Variants in RASEF observed in about 807,000 individuals in gnomAD.
RASEF encodes the protein RAS and EF-hand domain containing, also known as ras and EF-hand domain-containing protein.
In RASEF, 68 loss-of-function variants were observed where a neutral mutation model predicts 90.1. That is an observed-to-expected ratio of 0.75 (90% confidence interval 0.62 to 0.92). The LOEUF (loss-of-function observed/expected upper bound fraction) is 0.92, where lower values mean the gene tolerates loss of function less well. Among genes scored for constraint, RASEF ranks in the 40% least tolerant of loss-of-function variants. RASEF has a pLI of 0.00. For missense variants in RASEF, 949 were observed against 937.2 expected (o/e 1.01, Z -0.16); for synonymous variants, 331 against 345.2 (o/e 0.96, Z 0.46).
the RASEF span, among the ~76,000 whole-genome samples, chr9:83,192,270 G>A: frequency 2.6e-5 from 4 of 152,126 alleles, no homozygotes; most frequent in East Asian, 1.9e-4. Flanking sequence ...ATTCACTGCA[G>A]CACTATTCAC....
the RASEF span, among the ~76,000 whole-genome samples, chr9:83,071,444 C>T: frequency 6.6e-6 from 1 of 152,086 alleles, no homozygotes; most frequent in Admixed American, 6.5e-5. Context: ...CTGGCTCTGT[C>T]ACCCAGGCAT....
intron 16 of RASEF, among the ~76,000 whole-genome samples, chr9:82,987,740 A>G (rs541755279): frequency 5.3e-5 from 8 of 152,362 alleles, no homozygotes; most frequent in African/African-American, 1.9e-4. Flanking sequence ...TCATATACAG[A>G]GTCACAGGCT....
chr9:83,049,281 T>C lies in RASEF; in HGVS notation c.431+13156A>G, dbSNP rs149875185. 2.2e-5 allele frequency: 22 copies of C among 984,366 alleles called. No homozygotes were observed. The East Asian group carries it at 1.9e-3, about 86-fold the overall frequency. 61.0% of individuals were successfully genotyped at this position (984,366 alleles called of 1,614,324 possible). A position where few individuals can be genotyped will look rare whatever the true frequency, so the allele number is the denominator to read the frequency against. ...CTAAAATCGACACACATTTACAAAATCAATGACATCAGAATTAGCAATAGT... is the reference window on the plus strand; with the variant it reads ...CTAAAATCGACACACATTTACAAAACCAATGACATCAGAATTAGCAATAGT... On this transcript the variant is annotated intron_variant, in intron 1 of 16. Transcript: ENST00000376447.
chr9:83,083,528 T>C, the RASEF span, among the ~76,000 whole-genome samples: 3 of 152,110 alleles, frequency 2.0e-5, no homozygotes, highest in African/African-American at 7.2e-5. Flanking sequence ...TATAGACTAC[T>C]TATGAATCTG....
the RASEF span, among the ~76,000 whole-genome samples, chr9:83,177,890 C>T: frequency 7.9e-5 from 12 of 151,936 alleles, no homozygotes; most frequent in African/African-American, 2.9e-4. Context: ...TCTAGCACTC[C>T]CATTACATGG....
chr9:83,076,678 A>C, the RASEF span, among the ~76,000 whole-genome samples: 1 of 152,234 alleles, frequency 6.6e-6, no homozygotes, highest in Non-Finnish European at 1.5e-5. Flanking sequence ...TTGAAATCTA[A>C]AAAGGCCCAG....
At chr9:83,070,731 T>C in the RASEF span, among the ~76,000 whole-genome samples, 1 of 152,146 alleles carries the variant, frequency 6.6e-6, no homozygotes, top group Non-Finnish European at 1.5e-5. Context: ...AGAACTGATA[T>C]CTTAATAATA....
At chr9:83,081,099 G>A in the RASEF span, among the ~76,000 whole-genome samples, 6 of 152,102 alleles carry the variant, frequency 3.9e-5, no homozygotes, top group Non-Finnish European at 8.8e-5. Context: ...TCAGGCAGGT[G>A]CTATCATCCT....
At chr9:83,206,714 T>C in the RASEF span, among the ~76,000 whole-genome samples, 1 of 152,214 alleles carries the variant, frequency 6.6e-6, no homozygotes, top group Non-Finnish European at 1.5e-5. Flanking sequence ...CCCGGAGGCC[T>C]GTGTCTCATC....
At chr9:83,074,301 C>T in the RASEF span, among the ~76,000 whole-genome samples, 1 of 152,172 alleles carries the variant, frequency 6.6e-6, no homozygotes, top group Non-Finnish European at 1.5e-5. Context: ...AAAAATCTTT[C>T]AAATAACCTT....
chr9:83,130,783 C>T, the RASEF span, among the ~76,000 whole-genome samples: 1 of 152,212 alleles, frequency 6.6e-6, no homozygotes, highest in Non-Finnish European at 1.5e-5. Context: ...TACAAACACA[C>T]AGGGTGATGA....
the RASEF span, among the ~76,000 whole-genome samples, chr9:83,080,744 T>C: frequency 6.6e-6 from 1 of 152,168 alleles, no homozygotes; most frequent in African/African-American, 2.4e-5. Context: ...AGTACTGAAA[T>C]TCTGGTATCT....
the RASEF span, among the ~76,000 whole-genome samples, chr9:83,115,899 C>T: frequency 1.3e-5 from 2 of 151,414 alleles, no homozygotes; most frequent in Admixed American, 6.6e-5. Flanking sequence ...AAAAAAGCTA[C>T]AACTATTTTT....
At chr9:83,061,852 C>A (rs1830205891) in intron 1 of RASEF, among the ~76,000 whole-genome samples, 1 of 152,190 alleles carries the variant, frequency 6.6e-6, no homozygotes, top group African/African-American at 2.4e-5. Context: ...ATTTCTAGGT[C>A]TAAGTTCAGA....
the RASEF span, among the ~76,000 whole-genome samples, chr9:83,147,040 G>GTGTGTA: frequency 3.5e-4 from 50 of 143,720 alleles, 1 homozygote; most frequent in East Asian, 1.9e-3. Flanking sequence ...ATATATATAT[G>GTGTGTA]TATATATATA....
the RASEF span, among the ~76,000 whole-genome samples, chr9:83,161,099 G>GC: frequency 1.8e-4 from 28 of 151,874 alleles, no homozygotes; most frequent in Non-Finnish European, 2.8e-4. Flanking sequence ...TGGGGTCTGA[G>GC]CCCCCCCCAC....
At chr9:83,170,290 T>A in the RASEF span, among the ~76,000 whole-genome samples, 1 of 152,194 alleles carries the variant, frequency 6.6e-6, no homozygotes, top group South Asian at 2.1e-4. Flanking sequence ...TCTATGTGTC[T>A]GATTCTGTGC....
At position 83,025,784 on chromosome 9, in the gene RASEF, G is replaced by A. The variant is rs138364612; in HGVS notation, c.569C>T (p.Ala190Val). Reference sequence around the variant, plus strand: ...GGAAGGACTTCAATACCTCTTCACCGCAATGGCCAAATTTTCCATTTCTGT... The same window carrying A: ...GGAAGGACTTCAATACCTCTTCACCACAATGGCCAAATTTTCCATTTCTGT... Reference protein sequence around the residue: ...QSTEMENLAIAVKRAQDKAAM... With the variant: ...QSTEMENLAIVVKRAQDKAAM... The change falls in exon 2 of 17, where the codon GCG (alanine) becomes GTG (valine). Residue 190 changes from alanine (A) to valine (V), a missense_variant. By Grantham distance (64) the Ala-to-Val change is moderately conservative (BLOSUM62 0). This residue lies in a region of RASEF where 656 missense variants were observed against 592.2 expected (regional missense o/e 1.11). Coordinates refer to ENST00000376447, the MANE Select transcript of RASEF (RefSeq NM_152573.4). 156 of 1,613,308 alleles carry A rather than the reference G, an allele frequency of 9.7e-5. 2 individuals carry two copies. The East Asian group carries it at 1.3e-3, about 14-fold the overall frequency.
the RASEF span, among the ~76,000 whole-genome samples, chr9:83,140,550 GGT>G: frequency 6.6e-6 from 1 of 152,078 alleles, no homozygotes; most frequent in South Asian, 2.1e-4. Flanking sequence ...GAACTCTGAT[GGT>G]ACCTTAGTGG....
Sources: allele counts gnomAD v4.1 joint callset (sites outside exome capture counted in the v4.1 genomes callset), GRCh38; gene constraint gnomAD v4.1.1; regional missense constraint gnomAD v4.1.1; transcripts MANE v1.5; gene names NCBI Gene and HGNC (gene_info 2026-07-23, HGNC 2026-07-21).